Variants in NFIC observed in about 807,000 individuals in gnomAD.
NFIC encodes nuclear factor 1 C-type.
Under a neutral mutation model 54.4 loss-of-function variants are expected in NFIC, and 12 were observed. That is an observed-to-expected ratio of 0.22 (90% CI 0.14 to 0.36). The LOEUF (loss-of-function observed/expected upper bound fraction) is 0.36. Ranked by LOEUF, NFIC falls within the 10% of genes least tolerant of loss-of-function variation. The probability of loss-of-function intolerance (pLI) is 1.00; values close to 1 mark genes in which losing one functional copy is unlikely to be tolerated. For missense variants in NFIC, 575 were observed against 718.2 expected (o/e 0.80, Z 2.28); for synonymous variants, 322 against 319.2 (o/e 1.01, Z -0.09).
intron 6 of NFIC, among the ~76,000 whole-genome samples, chr19:3,435,732 T>TA (rs2082190651): frequency 2.0e-5 from 3 of 152,136 alleles, no homozygotes; most frequent in African/African-American, 4.8e-5. Flanking sequence ...CTGTAGGGTC[T>TA]CCATTCCCAT....
At chr19:3,403,877 A>G (rs1046707018) in intron 2 of NFIC, among the ~76,000 whole-genome samples, 1 of 150,218 alleles carries the variant, frequency 6.7e-6, no homozygotes, top group African/African-American at 2.4e-5. Context: ...ATTGGCAGAG[A>G]GTGTCCTCGG....
intron 1 of NFIC, among the ~76,000 whole-genome samples, chr19:3,373,091 C>T (rs920864042): frequency 3.3e-5 from 5 of 152,136 alleles, no homozygotes; most frequent in Admixed American, 6.5e-5. Context: ...GTGATCCGCC[C>T]GCCTCGGCCT....
At chr19:3,364,474 C>T (rs1568392890), upstream of NFIC, among the ~76,000 whole-genome samples, 1 of 152,156 alleles carries the variant, frequency 6.6e-6, no homozygotes, top group African/African-American at 2.4e-5. Context: ...GTGTGTGCTG[C>T]GGGGGTCCCT....
At chr19:3,454,110 C>T (rs980580395) in intron 9 of NFIC, 194 bp downstream of exon 9, 27 of 1,349,824 alleles carry the variant, frequency 2.0e-5, no homozygotes, top group East Asian at 1.3e-4. Context: ...AGGGGCTGGC[C>T]GGACCAAGCC....
chr19:3,394,665 G>A (rs376551458), intron 2 of NFIC, among the ~76,000 whole-genome samples: 16 of 151,832 alleles, frequency 1.1e-4, no homozygotes, highest in African/African-American at 3.1e-4. Context: ...CGACCCCCGG[G>A]CCACAGACGG....
chr19:3,463,190 G>C lies in NFIC; in HGVS notation c.*421G>C, dbSNP rs933845195. On this transcript the variant is annotated 3_prime_UTR_variant, in exon 11 of 11. Coordinates refer to ENST00000443272, the MANE Select transcript of NFIC (RefSeq NM_001245002.2). ...CCCGCGCCCCGGAGGCCCTGGCTCTGTCCGGAGACCAGGTGAGCACAGCCT... is the reference window on the plus strand; with the variant it reads ...CCCGCGCCCCGGAGGCCCTGGCTCTCTCCGGAGACCAGGTGAGCACAGCCT... 7.6e-6 allele frequency: 8 copies of C among 1,046,112 alleles called. No homozygotes were observed. The highest frequency in any genetic ancestry group is 9.2e-6 in the Non-Finnish European group (8 of 869,328). 64.8% of individuals were successfully genotyped at this position (1,046,112 alleles called of 1,614,324 possible). A position where few individuals can be genotyped will look rare whatever the true frequency, so the allele number is the denominator to read the frequency against.
intron 6 of NFIC, among the ~76,000 whole-genome samples, chr19:3,439,849 C>T (rs1179898395): frequency 8.0e-5 from 12 of 149,626 alleles, no homozygotes; most frequent in African/African-American, 1.2e-4. Context: ...CCACCATGCC[C>T]GGCTAATTTT....
At chr19:3,442,922 G>T (rs1353600261) in intron 6 of NFIC, among the ~76,000 whole-genome samples, 1 of 152,248 alleles carries the variant, frequency 6.6e-6, no homozygotes, top group African/African-American at 2.4e-5. Flanking sequence ...TTCACAGAAG[G>T]TCCTCACCCA....
intron 2 of NFIC, among the ~76,000 whole-genome samples, chr19:3,393,974 GCT>G (rs2081417294): frequency 6.7e-6 from 1 of 150,148 alleles, no homozygotes; most frequent in African/African-American, 2.5e-5. Flanking sequence ...ACAGAGTCTC[GCT>G]CTGTCGCCCA....
At chr19:3,462,441 G>T (rs915409046) in intron 10 of NFIC, among the ~76,000 whole-genome samples, 14 of 152,228 alleles carry the variant, frequency 9.2e-5, no homozygotes, top group Admixed American at 6.5e-4. Context: ...GATCTTTTGT[G>T]TGTGGTGTGT....
At chr19:3,389,374 C>T (rs1599595746) in intron 2 of NFIC, among the ~76,000 whole-genome samples, 2 of 152,130 alleles carry the variant, frequency 1.3e-5, no homozygotes, top group Non-Finnish European at 2.9e-5. Flanking sequence ...TGGGAAGGGG[C>T]GGCCTTGTGG....
chr19:3,463,702 A>G lies in NFIC; in HGVS notation c.*933A>G. The G allele has an allele frequency of 2.1e-6, 2 of 974,300 alleles. No homozygotes were observed. Among genetic ancestry groups the G allele is most frequent in the South Asian group, 4.8e-5 (1 of 20,850 alleles). The allele number at this position is 974,300 out of a possible 1,614,324, so 60.4% of individuals were successfully genotyped here. A position where few individuals can be genotyped will look rare whatever the true frequency, so the allele number is the denominator to read the frequency against. On this transcript the variant is annotated 3_prime_UTR_variant, in exon 11 of 11. Transcript: ENST00000443272. ...CCCCAAAGGGAGGGACCCACATTGC[A>G]CACACTGTAAGAAATGCACTTTCCG...
Position 3,464,591 on chromosome 19 carries a change from T to TC in NFIC, c.*1827dup. ...AAAAACTCCCCCCACCACTGCCCCC[T>TC]CCCCCGACCCAGGCCAAAGCCAGGG... is the stretch of plus-strand genomic sequence containing the variant. On this transcript the variant is annotated 3_prime_UTR_variant, in exon 11 of 11. Coordinates refer to ENST00000443272, the MANE Select transcript of NFIC (RefSeq NM_001245002.2). 1.5e-6 allele frequency: 1 copy of TC among 663,186 alleles called. No homozygotes were observed. Among genetic ancestry groups the TC allele is most frequent in the Non-Finnish European group, 1.7e-6 (1 of 595,664 alleles). The allele number at this position is 663,186 out of a possible 1,614,324, so 41.1% of individuals were successfully genotyped here.
At chr19:3,366,920 G>C (rs970954322) in intron 1 of NFIC, among the ~76,000 whole-genome samples, 1 of 151,746 alleles carries the variant, frequency 6.6e-6, no homozygotes, top group African/African-American at 2.4e-5. Context: ...CGACTCTCGG[G>C]ACCTCTCCCG....
At chr19:3,380,556 T>C (rs910187170) in intron 1 of NFIC, among the ~76,000 whole-genome samples, 1 of 149,974 alleles carries the variant, frequency 6.7e-6, no homozygotes, top group Admixed American at 6.7e-5. Flanking sequence ...CTCAAGCTCC[T>C]AACCTCAGGT....
At chr19:3,371,955 CCTTCCTTCTTTCCTTCTCTT>C (rs2081023617) in intron 1 of NFIC, among the ~76,000 whole-genome samples, 1 of 131,918 alleles carries the variant, frequency 7.6e-6, no homozygotes, top group Non-Finnish European at 1.6e-5. Context: ...CTCCCTCCCT[CCTTCCTTCTTTCCTTCTCTT>C]TCTCTCTCTC....
At chr19:3,457,100 C>T (rs777378596) in intron 10 of NFIC, among the ~76,000 whole-genome samples, 6 of 152,144 alleles carry the variant, frequency 3.9e-5, no homozygotes, top group Admixed American at 2.0e-4. Flanking sequence ...CATGGCGGGG[C>T]GTGGGGCCTC....
chr19:3,383,913 T>G (rs1457167237), intron 2 of NFIC, among the ~76,000 whole-genome samples: 2 of 152,210 alleles, frequency 1.3e-5, no homozygotes, highest in Admixed American at 1.3e-4. Context: ...ATCCCTTTTC[T>G]GTGCCTCAGT....
At chr19:3,416,743 C>T (rs1046396514) in intron 2 of NFIC, among the ~76,000 whole-genome samples, 8 of 151,976 alleles carry the variant, frequency 5.3e-5, no homozygotes, top group South Asian at 2.1e-4. Flanking sequence ...AGGCTGCTCT[C>T]GAACTCCTGA....
Sources: gnomAD v4.1 joint callset for allele counts (sites outside exome capture counted in the v4.1 genomes callset) on GRCh38, gnomAD v4.1.1 for gene constraint, MANE v1.5 for transcripts, NCBI Gene and HGNC (gene_info 2026-07-23, HGNC 2026-07-21) for gene names.